ZNF592: variants seen among roughly 807,000 people sequenced by gnomAD.
ZNF592 encodes spinocerebellar ataxia, autosomal recessive 5.
A neutral mutation model predicts 80.3 loss-of-function variants in ZNF592; 11 were observed. The observed-to-expected ratio is 0.14, with a 90% CI of 0.09 to 0.23. The LOEUF (loss-of-function observed/expected upper bound fraction) is 0.23, where lower values mean the gene tolerates loss of function less well. Ranked by LOEUF, ZNF592 falls within the 10% of genes least tolerant of loss-of-function variation. The probability of loss-of-function intolerance (pLI) is 1.00; values close to 1 mark genes in which losing one functional copy is unlikely to be tolerated. For missense variants in ZNF592, 1,420 were observed against 1,633.9 expected (o/e 0.87, Z 2.26); for synonymous variants, 646 against 640.3 (o/e 1.01, Z -0.13).
chr15:84,789,256 A>AG (rs1416086227), intron 4 of ZNF592, among the ~76,000 whole-genome samples: 1 of 152,002 alleles, frequency 6.6e-6, no homozygotes. Flanking sequence ...AAAAAAAAAA[A>AG]AAGTCCCTTC....
intron 4 of ZNF592, among the ~76,000 whole-genome samples, chr15:84,785,474 G>C (rs146872983): frequency 6.6e-6 from 1 of 152,290 alleles, no homozygotes; most frequent in East Asian, 1.9e-4. Context: ...ACCACGCCTA[G>C]CTAATTTTTG....
chr15:84,787,039 T>TG (rs1219698355), intron 4 of ZNF592, among the ~76,000 whole-genome samples: 1 of 151,852 alleles, frequency 6.6e-6, no homozygotes, highest in African/African-American at 2.4e-5. Context: ...TTAGTAGAGA[T>TG]GGAGTTTTGC....
chr15:84,791,160 T>TA (rs1179439711), intron 5 of ZNF592, among the ~76,000 whole-genome samples: 2 of 152,268 alleles, frequency 1.3e-5, no homozygotes, highest in African/African-American at 4.8e-5. Flanking sequence ...TATTTGGTTT[T>TA]AAAACGTATG....
chr15:84,782,330 A>G (rs1218606929), intron 3 of ZNF592, among the ~76,000 whole-genome samples: 3 of 152,154 alleles, frequency 2.0e-5, no homozygotes, highest in African/African-American at 7.2e-5. Flanking sequence ...TGGAGGGATG[A>G]TATTCCCTGA....
chr15:84,760,884 G>A (rs1349900749), intron 1 of ZNF592, among the ~76,000 whole-genome samples: 1 of 152,192 alleles, frequency 6.6e-6, no homozygotes, highest in Non-Finnish European at 1.5e-5. Flanking sequence ...AAACACAGTA[G>A]CCCTGGTCTT....
At chr15:84,787,869 G>A (rs1962634839) in intron 4 of ZNF592, among the ~76,000 whole-genome samples, 1 of 152,086 alleles carries the variant, frequency 6.6e-6, no homozygotes, top group Admixed American at 6.6e-5. Context: ...ATCTCAGTCT[G>A]GAACAGTACC....
chr15:84,762,786 T>C (rs1156435282), intron 1 of ZNF592, among the ~76,000 whole-genome samples: 1 of 152,232 alleles, frequency 6.6e-6, no homozygotes, highest in Non-Finnish European at 1.5e-5. Flanking sequence ...TTTATGTCCC[T>C]TTTCTTATTT....
chr15:84,774,290 T>C (rs1962179225), intron 2 of ZNF592, among the ~76,000 whole-genome samples: 1 of 152,258 alleles, frequency 6.6e-6, no homozygotes, highest in Non-Finnish European at 1.5e-5. Context: ...AATCCAGTGA[T>C]GAATGAAATA....
Position 84,784,229 on chromosome 15 carries a change from A to G in ZNF592, c.1554A>G (p.Ser518=), listed in dbSNP as rs61742397. Reference sequence around the variant, plus strand: ...TCGTCCCCCACAGTGTTGCTGCATCAGTGACAGCCAAGTCTTCAGTGCAAA... The same window carrying G: ...TCGTCCCCCACAGTGTTGCTGCATCGGTGACAGCCAAGTCTTCAGTGCAAA... ...LNLVPHSVAA[S]VTAKSSVQRR... is the part of the protein sequence containing the mutation. The change falls in exon 4 of 11, where the codon TCA becomes TCG. Residue 518 remains serine, a synonymous_variant. Coordinates refer to ENST00000560079, the MANE Select transcript of ZNF592 (RefSeq NM_014630.3). This position sits in a 1 kb window ranked among gnomAD's most constrained non-coding sequence, Gnocchi z 5.8. 1,609 of 1,614,230 alleles carry G rather than the reference A, an allele frequency of 1.0e-3. 22 individuals are homozygous for G. In the African/African-American group the frequency reaches 0.019, roughly 19 times the overall value.
Position 84,801,888 on chromosome 15 carries a change from G to A in ZNF592, c.3299G>A (p.Ser1100Asn). 1 of 1,613,952 alleles carries A rather than the reference G, an allele frequency of 6.2e-7. No individual in the cohort carries two copies. Among genetic ancestry groups the A allele is most frequent in the South Asian group, 1.1e-5 (1 of 91,080 alleles). ...PQVNHLKRPV[S>N]GVGDAPGTSN... ...GTGAACCATCTGAAAAGACCAGTCA[G>A]TGGAGTGGGGGACGCTCCAGGCACC... Residue 1100 changes from serine (S) to asparagine (N), a missense_variant, in exon 11 of 11, where the codon AGT becomes AAT. Transcript: ENST00000560079.
At chr15:84,750,369 A>C (rs1898980233) in intron 1 of ZNF592, among the ~76,000 whole-genome samples, 1 of 152,230 alleles carries the variant, frequency 6.6e-6, no homozygotes, top group Non-Finnish European at 1.5e-5. Flanking sequence ...CGTGTTAGGC[A>C]TTGTTCTAGA....
At chr15:84,793,006 GA>G (rs1962792868) in intron 5 of ZNF592, among the ~76,000 whole-genome samples, 1 of 152,002 alleles carries the variant, frequency 6.6e-6, no homozygotes. Context: ...CTTGTTCTAA[GA>G]TCAAATCCAA....
At chr15:84,788,515 C>T (rs1319624305) in intron 4 of ZNF592, among the ~76,000 whole-genome samples, 1 of 152,158 alleles carries the variant, frequency 6.6e-6, no homozygotes, top group Non-Finnish European at 1.5e-5. Flanking sequence ...GATACCCTGA[C>T]AATCTCAATT....
chr15:84,786,841 C>CTTTTTTTTTTTTTTTTTTTTT (rs35391255), intron 4 of ZNF592, among the ~76,000 whole-genome samples: 1 of 70,818 alleles, frequency 1.4e-5, no homozygotes, highest in African/African-American at 6.0e-5. Flanking sequence ...CCTTACGTAT[C>CTTTTTTTTTTTTTTTTTTTTT]TTTTTTTTTT....
At chr15:84,753,322 A>C (rs1178687693) in intron 1 of ZNF592, 1 of 152,054 alleles carries the variant, frequency 6.6e-6, no homozygotes, top group Non-Finnish European at 1.5e-5. Context: ...AGGTCTGTGA[A>C]CTCTTGGAGG....
intron 4 of ZNF592, among the ~76,000 whole-genome samples, chr15:84,789,108 G>C (rs1055344112): frequency 6.6e-6 from 1 of 151,836 alleles, no homozygotes; most frequent in Non-Finnish European, 1.5e-5. Flanking sequence ...TTAGCCAGGT[G>C]GTAGTGGTGC....
intron 10 of ZNF592, 137 bp from the exon 11 acceptor site, chr15:84,801,726 A>T: frequency 8.0e-7 from 1 of 1,249,518 alleles, no homozygotes; most frequent in Non-Finnish European, 1.1e-6. Context: ...AAACAAACCA[A>T]ACGTAAACCA....
intron 3 of ZNF592, among the ~76,000 whole-genome samples, chr15:84,780,471 C>T (rs1480751760): frequency 3.3e-5 from 5 of 152,296 alleles, no homozygotes; most frequent in Non-Finnish European, 7.3e-5. Flanking sequence ...TCCAACACCT[C>T]CTGTTCCAAG....
At position 84,790,851 on chromosome 15, in the gene ZNF592, T is replaced by C. The variant is rs1325766670; in HGVS notation, c.2367T>C (p.Asn789=). The part of the protein sequence containing the change: ...SAYFQTHVKE[N]CLHYARKVGY... The stretch of plus-strand genomic sequence containing the variant: ...ACTTCCAGACCCATGTAAAGGAGAA[T>C]TGCCTGCACTATGCCCGCAAGGTGG... The change falls in exon 5 of 11, where the codon AAT becomes AAC. Residue 789 remains asparagine (N), a synonymous_variant. Transcript: ENST00000560079. 1.2e-6 allele frequency: 2 copies of C among 1,614,218 alleles called. No homozygotes were observed. The highest frequency in any genetic ancestry group is 1.7e-6 in the Non-Finnish European group (2 of 1,180,042).
Sources: gnomAD v4.1 joint callset for allele counts (sites outside exome capture counted in the v4.1 genomes callset) on GRCh38, gnomAD v4.1.1 for gene constraint, Gnocchi (gnomAD v3.1) non-coding constraint, MANE v1.5 for transcripts, NCBI Gene and HGNC (gene_info 2026-07-23, HGNC 2026-07-21) for gene names.